The following NDUFA9 variants were observed in gnomAD, a reference collection of about 807,000 sequenced individuals.
NDUFA9 encodes NADH:ubiquinone oxidoreductase subunit A9.
A neutral mutation model predicts 45.9 loss-of-function variants in NDUFA9; 23 were observed. That is an observed-to-expected ratio of 0.50 (90% CI 0.36 to 0.71). NDUFA9 has a LOEUF of 0.71. Ranked by LOEUF, NDUFA9 falls within the 30% of genes least tolerant of loss-of-function variation. The pLI, the probability that NDUFA9 is intolerant of heterozygous loss-of-function variation, is 0.00. For missense variants in NDUFA9, 466 were observed against 488.2 expected, an observed-to-expected ratio of 0.95 and a Z score of 0.43; for synonymous variants, 176 against 170.5, an observed-to-expected ratio of 1.03 and a Z score of -0.25.
At chr12:4,670,947 A>T (rs1231443731) in intron 8 of NDUFA9, among the ~76,000 whole-genome samples, 2 of 152,064 alleles carry the variant, frequency 1.3e-5, no homozygotes, top group African/African-American at 4.8e-5. Context: ...TTTCCTTTTT[A>T]CCTTTGCCCA....
intron 1 of NDUFA9, among the ~76,000 whole-genome samples, chr12:4,650,415 A>G (rs867181650): frequency 6.6e-6 from 1 of 152,148 alleles, no homozygotes; most frequent in Non-Finnish European, 1.5e-5. Flanking sequence ...AATGGTAATC[A>G]CTATTTATTG....
At chr12:4,663,111 T>A (rs1273601914) in intron 6 of NDUFA9, among the ~76,000 whole-genome samples, 1 of 152,222 alleles carries the variant, frequency 6.6e-6, no homozygotes, top group African/African-American at 2.4e-5. Flanking sequence ...CTTCTTTCAC[T>A]TAGCAATATG....
intron 10 of NDUFA9, among the ~76,000 whole-genome samples, chr12:4,685,680 TGAAGAAAC>T (rs1349904213): frequency 2.3e-4 from 7 of 30,020 alleles, no homozygotes; most frequent in Non-Finnish European, 7.9e-4. Flanking sequence ...CCTAACGTCC[TGAAGAAAC>T]TGTTGACAGT....
At chr12:4,670,322 A>G (rs1276642804) in intron 8 of NDUFA9, among the ~76,000 whole-genome samples, 1 of 152,214 alleles carries the variant, frequency 6.6e-6, no homozygotes, top group East Asian at 1.9e-4. Flanking sequence ...TATGTGGCTT[A>G]CCTGAAATTA....
intron 1 of NDUFA9, chr12:4,653,758 A>G (rs1945773057): frequency 2.9e-6 from 1 of 339,236 alleles, no homozygotes; most frequent in East Asian, 8.6e-5. Context: ...TCCGACCAGT[A>G]TCATCAACCT....
chr12:4,685,443 G>C, intron 10 of NDUFA9, 118 bp downstream of exon 10: 1 of 938,264 alleles, frequency 1.1e-6, no homozygotes, highest in South Asian at 1.6e-5. Flanking sequence ...GCTGTCTGCA[G>C]TCAGCCCCTC....
chr12:4,670,978 G>A (rs1223711350), intron 8 of NDUFA9, among the ~76,000 whole-genome samples: 1 of 152,102 alleles, frequency 6.6e-6, no homozygotes, highest in African/African-American at 2.4e-5. Flanking sequence ...TTTTGTCTGG[G>A]CTCCAGTAAG....
In NDUFA9 at chr12:4,693,269, G is replaced by A. The variant is rs1946027414; in HGVS notation, c.*6161G>A. ...TTACACTTAGATGAAAACTCCATCG[G>A]ACCCCAAATTGTTCTGGTCTTGTTC... On this transcript the variant is annotated 3_prime_UTR_variant, in exon 11 of 11. Transcript: ENST00000266544. 3 of 152,206 alleles carry A rather than the reference G, an allele frequency of 2.0e-5. No individual in the cohort carries two copies. The highest frequency in any genetic ancestry group is 2.0e-4 in the Admixed American group (3 of 15,270). 9.4% of individuals were successfully genotyped at this position (152,206 alleles called of 1,614,324 possible). A position where few individuals can be genotyped will look rare whatever the true frequency, so the allele number is the denominator to read the frequency against.
intron 7 of NDUFA9, chr12:4,668,850 T>C (rs1463195294): frequency 2.2e-5 from 7 of 317,084 alleles, no homozygotes; most frequent in African/African-American, 6.4e-5. Context: ...AAAGCAGTTA[T>C]TGTACAACGT....
At chr12:4,669,622 C>T in intron 7 of NDUFA9, 119 bp from the exon 8 acceptor site, 3 of 637,480 alleles carry the variant, frequency 4.7e-6, no homozygotes, top group East Asian at 2.8e-5. Flanking sequence ...TGTGGCCTTC[C>T]TCCTTTCTCC....
At position 4,689,243 on chromosome 12, in the gene NDUFA9, A is replaced by G. The variant is rs1241596416; in HGVS notation, c.*2135A>G. The G allele has an allele frequency of 2.0e-5, 3 of 152,136 alleles. No homozygotes were observed. The highest frequency in any genetic ancestry group is 4.4e-5 in the Non-Finnish European group (3 of 68,054). 9.4% of individuals were successfully genotyped at this position (152,136 alleles called of 1,614,324 possible). On this transcript the variant is annotated 3_prime_UTR_variant, in exon 11 of 11. Coordinates refer to ENST00000266544, the MANE Select transcript of NDUFA9 (RefSeq NM_005002.5). ...ATTATCTTCATTTTCTAGCAATGCTATTTCTCATCTCTAACTTGTATCATC... is the reference window on the plus strand; with the variant it reads ...ATTATCTTCATTTTCTAGCAATGCTGTTTCTCATCTCTAACTTGTATCATC...
At chr12:4,651,859 T>C (rs929568294) in intron 1 of NDUFA9, among the ~76,000 whole-genome samples, 1 of 152,214 alleles carries the variant, frequency 6.6e-6, no homozygotes, top group Non-Finnish European at 1.5e-5. Flanking sequence ...CGTAATTTGC[T>C]GCCTGCCACT....
At chr12:4,669,574 C>T (rs942407119) in intron 7 of NDUFA9, among the ~76,000 whole-genome samples, 167 bp from the exon 8 acceptor site, 1 of 152,148 alleles carries the variant, frequency 6.6e-6, no homozygotes, top group African/African-American at 2.4e-5. Flanking sequence ...ATAGATAATG[C>T]CATTATTTTA....
intron 8 of NDUFA9, among the ~76,000 whole-genome samples, chr12:4,675,230 G>C (rs1945911982): frequency 6.6e-6 from 1 of 152,150 alleles, no homozygotes; most frequent in African/African-American, 2.4e-5. Flanking sequence ...ATCTAAAATT[G>C]ACACTCTAAC....
chr12:4,665,491 A>G (rs757220117), intron 6 of NDUFA9, among the ~76,000 whole-genome samples: 3 of 152,240 alleles, frequency 2.0e-5, no homozygotes, highest in Non-Finnish European at 4.4e-5. Flanking sequence ...CCATCAATGG[A>G]TACTTGGATT....
At chr12:4,662,719 G>A in intron 6 of NDUFA9, 84 bp downstream of exon 6, 1 of 1,058,408 alleles carries the variant, frequency 9.4e-7, no homozygotes, top group Non-Finnish European at 1.4e-6. Flanking sequence ...TTCTCTGATT[G>A]ACAGACTAAG....
chr12:4,656,452 TC>T lies in NDUFA9; in HGVS notation c.319-1295del, dbSNP rs146891257. Among the ~76,000 whole-genome samples the T allele has an allele frequency of 3.5e-3, 527 of 152,348 alleles. 4 individuals are homozygous for T. Among genetic ancestry groups the T allele is most frequent in the African/African-American group, 0.012 (487 of 41,578 alleles). ...TCTGCAGAGATTTATTTCCTGAATG[TC>T]TAGCATTGACCTGTGCTCTGAGCAC... On this transcript the variant is annotated intron_variant, in intron 3 of 10. Coordinates refer to ENST00000266544, the MANE Select transcript of NDUFA9 (RefSeq NM_005002.5).
chr12:4,659,043 G>T lies in NDUFA9; in HGVS notation c.418G>T (p.Asp140Tyr), dbSNP rs780307830. ...IGRDWETKNF[D>Y]FEDVFVKIPQ... is the part of the protein sequence containing the mutation. ...TTATTTTTTATCTTCCAGAAACTTT[G>T]ATTTTGAGGATGTTTTTGTGAAGAT... Residue 140 changes from aspartate to tyrosine, a missense_variant, in exon 5 of 11, where the codon GAT becomes TAT. By Grantham distance (160) the Asp-to-Tyr change is radical (BLOSUM62 -3). Coordinates refer to ENST00000266544, the MANE Select transcript of NDUFA9 (RefSeq NM_005002.5). The T allele has an allele frequency of 8.1e-6, 13 of 1,612,428 alleles. No individual in the cohort carries two copies. In the East Asian group the frequency reaches 2.9e-4, roughly 36 times the overall value.
rs1263647763 is a variant in NDUFA9 at position 4,694,150 on chromosome 12, T to A, written c.*7042T>A. ...AACTGATAGCAGAGCAAAATAATTC[T>A]TGTCTATAGACGTGTACATTGTGTC... On this transcript the variant is annotated 3_prime_UTR_variant, in exon 11 of 11. Transcript: ENST00000266544. 1 of 152,266 alleles carries A rather than the reference T, an allele frequency of 6.6e-6. No individual in the cohort carries two copies. Among genetic ancestry groups the A allele is most frequent in the Non-Finnish European group, 1.5e-5 (1 of 68,040 alleles). 9.4% of individuals were successfully genotyped at this position (152,266 alleles called of 1,614,324 possible).
Sources: allele counts gnomAD v4.1 joint callset (sites outside exome capture counted in the v4.1 genomes callset), GRCh38; gene constraint gnomAD v4.1.1; transcripts MANE v1.5; gene names NCBI Gene and HGNC (gene_info 2026-07-23, HGNC 2026-07-21).